The following SERGEF variants were observed in gnomAD, a reference collection of about 807,000 sequenced individuals.
SERGEF encodes secretion-regulating guanine nucleotide exchange factor.
Under a neutral mutation model 50.0 loss-of-function variants are expected in SERGEF, and 51 were observed. The ratio of observed to expected loss-of-function variants is 1.02; its 90% confidence interval spans 0.81 to 1.29. SERGEF has a LOEUF of 1.29. SERGEF is among the 50% of genes most tolerant of loss of function. SERGEF has a pLI of 0.00. For synonymous variants in SERGEF, 205 were observed against 212.4 expected (o/e 0.97, Z 0.30); for missense variants, 521 against 557.0 (o/e 0.94, Z 0.65).
chr11:17,904,941 C>A (rs1851810684), intron 9 of SERGEF, among the ~76,000 whole-genome samples: 2 of 152,198 alleles, frequency 1.3e-5, no homozygotes, highest in South Asian at 4.1e-4. Flanking sequence ...TCTGTTTTTC[C>A]AACTTTGCTC....
chr11:17,845,155 G>C (rs141189593), intron 10 of SERGEF, among the ~76,000 whole-genome samples: 165 of 152,246 alleles, frequency 1.1e-3, no homozygotes, highest in African/African-American at 3.9e-3. Flanking sequence ...ACTGTGGTTT[G>C]CCTCTGTAAC....
At position 17,878,037 on chromosome 11, in the gene SERGEF, A is replaced by G. The variant is rs552680299; in HGVS notation, c.1048+171T>C. ...CAATGATATGAATCGAAATATTCAGAAAAGGAGCTTCTAGTAAACCCTTGG... is the reference window on the plus strand; with the variant it reads ...CAATGATATGAATCGAAATATTCAGGAAAGGAGCTTCTAGTAAACCCTTGG... On this transcript the variant is annotated intron_variant, in intron 10 of 10. Coordinates refer to ENST00000265965, the MANE Select transcript of SERGEF (RefSeq NM_012139.4). 1.2e-4 allele frequency: 73 copies of G among 590,566 alleles called. 1 individual carries two copies. The African/African-American group carries it at 1.4e-3, about 11-fold the overall frequency. The allele number at this position is 590,566 out of a possible 1,614,324, so 36.6% of individuals were successfully genotyped here.
chr11:17,850,527 C>T (rs1024485), intron 10 of SERGEF, among the ~76,000 whole-genome samples: 1 of 152,124 alleles, frequency 6.6e-6, no homozygotes, highest in African/African-American at 2.4e-5. Flanking sequence ...AAATGGACAT[C>T]CTGCCAAGAT....
chr11:18,012,592 G>C, intron 1 of SERGEF: 1 of 1,182,148 alleles, frequency 8.5e-7, no homozygotes, highest in Non-Finnish European at 1.1e-6. Flanking sequence ...ACGGAGCTCT[G>C]GGACCGGGCG....
intron 9 of SERGEF, among the ~76,000 whole-genome samples, chr11:17,920,200 T>C (rs1233150792): frequency 1.3e-5 from 2 of 152,132 alleles, no homozygotes; most frequent in African/African-American, 4.8e-5. Flanking sequence ...TGAACCGAGA[T>C]TGCGCCACTG....
intron 10 of SERGEF, among the ~76,000 whole-genome samples, chr11:17,837,513 T>G (rs1238712352): frequency 3.3e-5 from 5 of 151,518 alleles, no homozygotes; most frequent in African/African-American, 1.2e-4. Flanking sequence ...GCTTCCTGTC[T>G]CACCATGTGA....
At chr11:18,000,671 A>G (rs1853941498) in intron 4 of SERGEF, 114 bp from the exon 5 acceptor site, 1 of 769,048 alleles carries the variant, frequency 1.3e-6, no homozygotes, top group Non-Finnish European at 2.3e-6. Flanking sequence ...GACTGGTTTA[A>G]AGCAACCACT....
At chr11:17,850,107 G>A (rs954525354) in intron 10 of SERGEF, among the ~76,000 whole-genome samples, 2 of 152,090 alleles carry the variant, frequency 1.3e-5, no homozygotes, top group East Asian at 1.9e-4. Flanking sequence ...GAACACATGC[G>A]AGAGAGAGCT....
chr11:17,804,653 T>G (rs1335688202), intron 10 of SERGEF, among the ~76,000 whole-genome samples: 1 of 152,244 alleles, frequency 6.6e-6, no homozygotes, highest in Non-Finnish European at 1.5e-5. Context: ...TGGATTCTTC[T>G]AACAATCAAA....
intron 10 of SERGEF, chr11:17,853,945 C>G (rs1185729467): frequency 6.9e-6 from 1 of 143,982 alleles, no homozygotes. Context: ...CGCTTGAAAT[C>G]GGGAGGCAGA....
At position 17,788,062 on chromosome 11, in the gene SERGEF, G is replaced by A; in HGVS notation, c.*23C>T. On this transcript the variant is annotated 3_prime_UTR_variant, in exon 11 of 11. Transcript: ENST00000265965. Reference sequence around the variant, plus strand: ...TCTGGGAAGGCTTTTGGTGGGAAAAGCCACTTTATTAAAGATTCTCTATCA... The same window carrying A: ...TCTGGGAAGGCTTTTGGTGGGAAAAACCACTTTATTAAAGATTCTCTATCA... 6.7e-7 allele frequency: 1 copy of A among 1,496,202 alleles called. No homozygotes were observed. Among genetic ancestry groups the A allele is most frequent in the Non-Finnish European group, 8.9e-7 (1 of 1,118,000 alleles). The allele number at this position is 1,496,202 out of a possible 1,614,324, so 92.7% of individuals were successfully genotyped here. A position where few individuals can be genotyped will look rare whatever the true frequency, so the allele number is the denominator to read the frequency against.
At chr11:18,008,884 G>A (rs923585764) in intron 1 of SERGEF, among the ~76,000 whole-genome samples, 13 of 152,064 alleles carry the variant, frequency 8.5e-5, no homozygotes, top group African/African-American at 3.1e-4. Context: ...CAAAGTTCCA[G>A]GAGAAGCTGC....
chr11:17,821,211 C>T (rs1483297875), intron 10 of SERGEF, among the ~76,000 whole-genome samples: 1 of 152,142 alleles, frequency 6.6e-6, no homozygotes, highest in African/African-American at 2.4e-5. Context: ...GACATCTGGC[C>T]TCCAGAAGTG....
At chr11:17,887,168 G>A (rs1185835627) in intron 9 of SERGEF, among the ~76,000 whole-genome samples, 1 of 152,200 alleles carries the variant, frequency 6.6e-6, no homozygotes, top group Non-Finnish European at 1.5e-5. Context: ...CTACTGCTGA[G>A]GGCTCAAGAA....
At chr11:17,977,241 A>G (rs1853396588) in intron 8 of SERGEF, among the ~76,000 whole-genome samples, 1 of 152,212 alleles carries the variant, frequency 6.6e-6, no homozygotes, top group African/African-American at 2.4e-5. Context: ...ATATAATGAC[A>G]CTATGGTTTC....
chr11:17,931,356 C>T (rs1213556488), intron 9 of SERGEF, among the ~76,000 whole-genome samples: 3 of 152,176 alleles, frequency 2.0e-5, no homozygotes, highest in Non-Finnish European at 2.9e-5. Flanking sequence ...TGTAATGCCA[C>T]ACACAGTAAG....
intron 9 of SERGEF, among the ~76,000 whole-genome samples, chr11:17,900,398 A>G (rs550948840): frequency 3.9e-5 from 6 of 152,338 alleles, no homozygotes; most frequent in African/African-American, 1.2e-4. Context: ...CAAAACATCA[A>G]TCTCGGCATT....
rs922596645 is a variant in SERGEF at position 18,000,686 on chromosome 11, C to A, written c.448-129G>T. On this transcript the variant is annotated intron_variant, in intron 4 of 10. Transcript: ENST00000265965. ...GACTGGTTTAAAGCAACCACTCCCC[C>A]CAATATTTCCACCCATTAATACCTC... 4.1e-6 allele frequency: 3 copies of A among 732,898 alleles called. No individual in the cohort carries two copies. In the African/African-American group the frequency reaches 5.3e-5, roughly 13 times the overall value. The allele number at this position is 732,898 out of a possible 1,614,324, so 45.4% of individuals were successfully genotyped here. A position where few individuals can be genotyped will look rare whatever the true frequency, so the allele number is the denominator to read the frequency against.
At chr11:17,836,835 T>G (rs1229763502) in intron 10 of SERGEF, among the ~76,000 whole-genome samples, 1 of 152,120 alleles carries the variant, frequency 6.6e-6, no homozygotes, top group Non-Finnish European at 1.5e-5. Context: ...GACTCTTCTT[T>G]GCCATTATAC....
Sources: allele counts gnomAD v4.1 joint callset (sites outside exome capture counted in the v4.1 genomes callset), GRCh38; gene constraint gnomAD v4.1.1; transcripts MANE v1.5; gene names NCBI Gene and HGNC (gene_info 2026-07-23, HGNC 2026-07-21).